TIE1: variants seen among roughly 807,000 people sequenced by gnomAD.
TIE1 encodes the protein tyrosine kinase with immunoglobulin like and EGF like domains 1, also known as tyrosine-protein kinase receptor Tie-1.
In TIE1, 89 loss-of-function variants were observed where a neutral mutation model predicts 130.5. The ratio of observed to expected loss-of-function variants is 0.68; its 90% CI spans 0.57 to 0.81. The LOEUF is 0.81. TIE1 is among the 40% of genes least tolerant of loss of function. TIE1 has a pLI of 0.00. For synonymous variants in TIE1, 568 were observed against 629.4 expected (o/e 0.90, Z 1.46); for missense variants, 1,392 against 1,559.8 (o/e 0.89, Z 1.81).
Position 43,319,750 on chromosome 1 carries a change from A to G in TIE1, c.3107+221A>G. 1.7e-6 allele frequency: 1 copy of G among 578,694 alleles called. No homozygotes were observed. The highest frequency in any genetic ancestry group is 3.1e-6 in the Non-Finnish European group (1 of 322,510). 35.8% of individuals were successfully genotyped at this position (578,694 alleles called of 1,614,324 possible). A position where few individuals can be genotyped will look rare whatever the true frequency, so the allele number is the denominator to read the frequency against. The stretch of plus-strand genomic sequence containing the variant: ...TCAGGAATAGGACTGGGGTAAAGGT[A>G]GTTTCGGATTATGTTTGTGTAAGTG... On this transcript the variant is annotated intron_variant, in intron 19 of 22. Coordinates refer to ENST00000372476, the MANE Select transcript of TIE1 (RefSeq NM_005424.5). This position sits in a 1 kb window ranked among gnomAD's most constrained non-coding sequence, Gnocchi z 4.7.
At position 43,321,448 on chromosome 1, in the gene TIE1, C is replaced by T; in HGVS notation, c.3201C>T (p.Pro1067=). 1 of 1,614,048 alleles carries T rather than the reference C, an allele frequency of 6.2e-7. No homozygotes were observed. Among genetic ancestry groups the T allele is most frequent in the Non-Finnish European group, 8.5e-7 (1 of 1,179,984 alleles). Reference sequence around the variant, plus strand: ...GTGCCGAGCTCTATGAAAAGCTGCCCCAGGGCTACCGCATGGAGCAGCCTC... The same window carrying T: ...GTGCCGAGCTCTATGAAAAGCTGCCTCAGGGCTACCGCATGGAGCAGCCTC... The part of the protein sequence containing the change: ...MTCAELYEKL[P]QGYRMEQPRN... The change falls in exon 21 of 23, where the codon CCC becomes CCT. Residue 1067 remains proline (P), a synonymous_variant. Coordinates refer to ENST00000372476, the MANE Select transcript of TIE1 (RefSeq NM_005424.5).
chr1:43,305,087 C>T lies in TIE1; in HGVS notation c.295C>T (p.Leu99Phe). ...TLRGFSKPSD[L>F]VGVFSCVGGA... Reference sequence around the variant, plus strand: ...TCGCGGCTTCTCCAAGCCCTCGGACCTCGTGGGCGTCTTCTCCTGCGTGGG... The same window carrying T: ...TCGCGGCTTCTCCAAGCCCTCGGACTTCGTGGGCGTCTTCTCCTGCGTGGG... Residue 99 changes from leucine to phenylalanine, a missense_variant, in exon 2 of 23, where the codon CTC (leucine) becomes TTC (phenylalanine). Physicochemically the swap from Leu to Phe is conservative, Grantham distance 22 (BLOSUM62 0). Transcript: ENST00000372476. 1.2e-6 allele frequency: 2 copies of T among 1,612,672 alleles called. No homozygotes were observed. Among genetic ancestry groups the T allele is most frequent in the Non-Finnish European group, 1.7e-6 (2 of 1,179,252 alleles).
Position 43,305,066 on chromosome 1 carries a change from G to C in TIE1, c.274G>C (p.Gly92Arg), listed in dbSNP as rs756575049. ...CGGTTCGCACCAGGTCACGCTTCGC[G>C]GCTTCTCCAAGCCCTCGGACCTCGT... The part of the protein sequence containing the change: ...RNGSHQVTLR[G>R]FSKPSDLVGV... Residue 92 changes from glycine to arginine, a missense_variant, in exon 2 of 23, where the codon GGC becomes CGC. Physicochemically the swap from Gly to Arg is moderately radical, Grantham distance 125. This residue lies in a region of TIE1 where 415 missense variants were observed against 424.8 expected (regional missense o/e 0.98). Coordinates refer to ENST00000372476, the MANE Select transcript of TIE1 (RefSeq NM_005424.5). The C allele has an allele frequency of 1.9e-5, 31 of 1,609,984 alleles. No homozygotes were observed. Among genetic ancestry groups the C allele is most frequent in the Middle Eastern group, 3.3e-4 (2 of 6,068 alleles).
At position 43,309,181 on chromosome 1, in the gene TIE1, A is replaced by G; in HGVS notation, c.1188+50A>G. 1 of 1,549,210 alleles carries G rather than the reference A, an allele frequency of 6.5e-7. No individual in the cohort carries two copies. Among genetic ancestry groups the G allele is most frequent in the Non-Finnish European group, 8.7e-7 (1 of 1,146,326 alleles). Reference sequence around the variant, plus strand: ...ACCAGCCCCTCAGGCCGCCTGCTTCACAGCTGATCCCTAAGACCCCCTAGT... The same window carrying G: ...ACCAGCCCCTCAGGCCGCCTGCTTCGCAGCTGATCCCTAAGACCCCCTAGT... On this transcript the variant is annotated intron_variant, in intron 8 of 22. Transcript: ENST00000372476. This position sits in a 1 kb window ranked among gnomAD's most constrained non-coding sequence, Gnocchi z 6.3.
At chr1:43,301,360 AC>A (rs1646667906) in intron 1 of TIE1, among the ~76,000 whole-genome samples, 1 of 151,990 alleles carries the variant, frequency 6.6e-6, no homozygotes, top group Non-Finnish European at 1.5e-5. Context: ...GGTGGTTCAT[AC>A]CTGTAATCCC....
rs1203433690 is a variant in TIE1, at chr1:43,312,360, G to A, written c.1686G>A (p.Leu562=). 6.3e-7 allele frequency: 1 copy of A among 1,581,440 alleles called. No homozygotes were observed. Among genetic ancestry groups the A allele is most frequent in the Admixed American group, 1.7e-5 (1 of 58,246 alleles). ...EGWHVEGTDR[L]RVSWSLPLVP... ...GGCATGTGGAAGGCACTGACCGGCT[G>A]CGAGTGAGCTGGTCCTTGCCCTTGG... Residue 562 remains leucine, a synonymous_variant, in exon 12 of 23, where the codon CTG becomes CTA. Coordinates refer to ENST00000372476, the MANE Select transcript of TIE1 (RefSeq NM_005424.5). This position sits in a 1 kb window ranked among gnomAD's most constrained non-coding sequence, Gnocchi z 5.6.
Position 43,312,721 on chromosome 1 carries a change from C to A in TIE1, c.1927+120C>A. ...TAATGGACATGGAGAGGACACAGGA[C>A]ACACATAGGGTATTAGGCAGACGTG... On this transcript the variant is annotated intron_variant, in intron 12 of 22. Coordinates refer to ENST00000372476, the MANE Select transcript of TIE1 (RefSeq NM_005424.5). The surrounding 1 kb of genome is among the most constrained non-coding windows in gnomAD (Gnocchi z 5.6). 8.3e-7 allele frequency: 1 copy of A among 1,205,268 alleles called. No individual in the cohort carries two copies. The highest frequency in any genetic ancestry group is 1.1e-6 in the Non-Finnish European group (1 of 877,380). The allele number at this position is 1,205,268 out of a possible 1,614,324, so 74.7% of individuals were successfully genotyped here.
Position 43,322,914 on chromosome 1 carries a change from A to G in TIE1, c.*192A>G, listed in dbSNP as rs1465933030. 1.7e-6 allele frequency: 1 copy of G among 574,370 alleles called. No homozygotes were observed. The highest frequency in any genetic ancestry group is 2.1e-5 in the South Asian group (1 of 46,880). The allele number at this position is 574,370 out of a possible 1,614,324, so 35.6% of individuals were successfully genotyped here. On this transcript the variant is annotated 3_prime_UTR_variant, in exon 23 of 23. Coordinates refer to ENST00000372476, the MANE Select transcript of TIE1 (RefSeq NM_005424.5). This position sits in a 1 kb window ranked among gnomAD's most constrained non-coding sequence, Gnocchi z 4.0. ...GGTTCCCATGCTTTGTAGGTGTCTC[A>G]TAGCTATCCTGGGCATCCTTCTTTC... is the stretch of plus-strand genomic sequence containing the variant.
rs756067411 is a variant in TIE1 at position 43,312,268 on chromosome 1, C to A, written c.1631-37C>A. ...CATTGTCCTGTCCAGCCCCAAGTAC[C>A]TACTGGACAGTTCTGACCCCTGACC... is the stretch of plus-strand genomic sequence containing the variant. On this transcript the variant is annotated intron_variant, in intron 11 of 22. Transcript: ENST00000372476. The surrounding 1 kb of genome is among the most constrained non-coding windows in gnomAD (Gnocchi z 5.6). 9.9e-6 allele frequency: 15 copies of A among 1,520,056 alleles called. No homozygotes were observed. In the South Asian group the frequency reaches 2.0e-4, roughly 20 times the overall value. The allele number at this position is 1,520,056 out of a possible 1,614,324, so 94.2% of individuals were successfully genotyped here. A position where few individuals can be genotyped will look rare whatever the true frequency, so the allele number is the denominator to read the frequency against.
At position 43,322,236 on chromosome 1, in the gene TIE1, AT is replaced by A. The variant is rs1387984581; in HGVS notation, c.3346-414del. On this transcript the variant is annotated intron_variant, in intron 22 of 22. Transcript: ENST00000372476. This position sits in a 1 kb window ranked among gnomAD's most constrained non-coding sequence, Gnocchi z 4.0. ...AATTATCAAATAAATATAATGAAAA[AT>A]ATATCAAAATTAGTAAATATGAAGA... Among the ~76,000 whole-genome samples the A allele has an allele frequency of 2.6e-5, 4 of 152,252 alleles. No individual in the cohort carries two copies. The highest frequency in any genetic ancestry group is 5.9e-5 in the Non-Finnish European group (4 of 68,042).
At position 43,307,382 on chromosome 1, in the gene TIE1, G is replaced by A. The variant is rs1482825099; in HGVS notation, c.773-50G>A. On this transcript the variant is annotated intron_variant, in intron 5 of 22. Coordinates refer to ENST00000372476, the MANE Select transcript of TIE1 (RefSeq NM_005424.5). The surrounding 1 kb of genome is among the most constrained non-coding windows in gnomAD (Gnocchi z 5.4). ...AGGGTAAGGGCGACAGGCAGGTCCTGGGCCCAGGGGCCCACAGAGGCCCAT... is the reference window on the plus strand; with the variant it reads ...AGGGTAAGGGCGACAGGCAGGTCCTAGGCCCAGGGGCCCACAGAGGCCCAT... 4.4e-6 allele frequency: 7 copies of A among 1,608,390 alleles called. No individual in the cohort carries two copies. In the African/African-American group the frequency reaches 9.4e-5, roughly 22 times the overall value.
intron 9 of TIE1, among the ~76,000 whole-genome samples, chr1:43,310,499 A>G (rs570673509): frequency 5.9e-5 from 9 of 152,292 alleles, no homozygotes; most frequent in African/African-American, 1.9e-4. Context: ...TGTGTGCTCA[A>G]TGTATGTCGA....
In TIE1 at chr1:43,315,708, T is replaced by A. The variant is rs1356824205; in HGVS notation, c.2410-1491T>A. Among the ~76,000 whole-genome samples, 1 of 151,802 alleles carries A rather than the reference T, an allele frequency of 6.6e-6. No individual in the cohort carries two copies. Among genetic ancestry groups the A allele is most frequent in the Non-Finnish European group, 1.5e-5 (1 of 67,990 alleles). ...CAATTGGCTTCTTTGTTCCAAGCTG[T>A]GTTGGCTCTTCCTCTGAGGTCAGTG... On this transcript the variant is annotated intron_variant, in intron 14 of 22. Coordinates refer to ENST00000372476, the MANE Select transcript of TIE1 (RefSeq NM_005424.5). This position sits in a 1 kb window ranked among gnomAD's most constrained non-coding sequence, Gnocchi z 4.4.
chr1:43,308,023 G>C, intron 7 of TIE1, 99 bp downstream of exon 7: 2 of 1,529,104 alleles, frequency 1.3e-6, no homozygotes, highest in South Asian at 2.5e-5. Context: ...TTCCCTACGA[G>C]GGTCCAAGTC....
Position 43,313,507 on chromosome 1 carries a change from T to G in TIE1, c.2218+82T>G. Reference sequence around the variant, plus strand: ...GCTCTCCTTCCACATCACCCCCTACTGTGGAGCTAGGGCATCCCAGGCCCC... The same window carrying G: ...GCTCTCCTTCCACATCACCCCCTACGGTGGAGCTAGGGCATCCCAGGCCCC... On this transcript the variant is annotated intron_variant, in intron 13 of 22. Transcript: ENST00000372476. The surrounding 1 kb of genome is among the most constrained non-coding windows in gnomAD (Gnocchi z 6.2). 1 of 1,533,970 alleles carries G rather than the reference T, an allele frequency of 6.5e-7. No homozygotes were observed. Among genetic ancestry groups the G allele is most frequent in the Non-Finnish European group, 8.9e-7 (1 of 1,127,032 alleles).
In TIE1 at chr1:43,322,563, C is replaced by A; in HGVS notation, c.3346-88C>A. ...TCTCCAGAACAAATCAGTGTCAGTT[C>A]AAATGCCCCCACCACATGGAAGTCC... On this transcript the variant is annotated intron_variant, in intron 22 of 22. Transcript: ENST00000372476. The surrounding 1 kb of genome is among the most constrained non-coding windows in gnomAD (Gnocchi z 4.0). The A allele has an allele frequency of 5.2e-6, 5 of 969,824 alleles. No homozygotes were observed. The highest frequency in any genetic ancestry group is 2.8e-5 in the South Asian group (2 of 72,102). The allele number at this position is 969,824 out of a possible 1,614,324, so 60.1% of individuals were successfully genotyped here.
At position 43,313,740 on chromosome 1, in the gene TIE1, C is replaced by T; in HGVS notation, c.2219-38C>T. 6.3e-7 allele frequency: 1 copy of T among 1,579,204 alleles called. No individual in the cohort carries two copies. On this transcript the variant is annotated intron_variant, in intron 13 of 22. Coordinates refer to ENST00000372476, the MANE Select transcript of TIE1 (RefSeq NM_005424.5). The surrounding 1 kb of genome is among the most constrained non-coding windows in gnomAD (Gnocchi z 6.2). The stretch of plus-strand genomic sequence containing the variant: ...ATGGTGGCCTCTGGGTTCCCTGACC[C>T]AGGTGTCCCCACAATCTGCCCCTCT...
chr1:43,313,056 G>A lies in TIE1; in HGVS notation c.1928-79G>A. 1 of 1,490,266 alleles carries A rather than the reference G, an allele frequency of 6.7e-7. No individual in the cohort carries two copies. The highest frequency in any genetic ancestry group is 1.4e-5 in the African/African-American group (1 of 71,788). 92.3% of individuals were successfully genotyped at this position (1,490,266 alleles called of 1,614,324 possible). ...TTGGACCCACAGAGGAGGGAGCACA[G>A]CTAGAGCAGATGTGTCCAGCCCCAC... On this transcript the variant is annotated intron_variant, in intron 12 of 22. Transcript: ENST00000372476. The surrounding 1 kb of genome is among the most constrained non-coding windows in gnomAD (Gnocchi z 6.2).
In TIE1 at chr1:43,311,806, C is replaced by T. The variant is rs774806464; in HGVS notation, c.1469C>T (p.Thr490Ile). The change falls in exon 10 of 23, where the codon ACC (threonine) becomes ATC (isoleucine). Residue 490 changes from threonine (T) to isoleucine (I), a missense_variant. This residue lies in a region of TIE1 where 551 missense variants were observed against 565.5 expected (regional missense o/e 0.97). Coordinates refer to ENST00000372476, the MANE Select transcript of TIE1 (RefSeq NM_005424.5). ...VRLHYRPQDS[T>I]MDWSTIVVDP... ...CTGCACTACCGGCCCCAGGACAGTACCATGGACTGGTCGACCATTGTGGGT... is the reference window on the plus strand; with the variant it reads ...CTGCACTACCGGCCCCAGGACAGTATCATGGACTGGTCGACCATTGTGGGT... The T allele has an allele frequency of 6.2e-7, 1 of 1,613,664 alleles. No homozygotes were observed. The highest frequency in any genetic ancestry group is 1.1e-5 in the South Asian group (1 of 91,026).
Sources: gnomAD v4.1 joint callset for allele counts (sites outside exome capture counted in the v4.1 genomes callset) on GRCh38, gnomAD v4.1.1 for gene constraint, gnomAD v4.1.1 regional missense constraint, Gnocchi (gnomAD v3.1) non-coding constraint, MANE v1.5 for transcripts, NCBI Gene and HGNC (gene_info 2026-07-23, HGNC 2026-07-21) for gene names.